The following UBE2E2 variants were observed in gnomAD, a reference collection of about 807,000 sequenced individuals.
UBE2E2 encodes ubiquitin-conjugating enzyme E2 E2.
UBE2E2 carries 6 observed loss-of-function variants against 24.7 expected under a neutral mutation model. That is an observed-to-expected ratio of 0.24 (90% CI 0.13 to 0.48). UBE2E2 has a LOEUF of 0.48. Among genes scored for constraint, UBE2E2 ranks in the 20% least tolerant of loss-of-function variants. UBE2E2 has a pLI of 0.99. For missense variants in UBE2E2, 169 were observed against 245.0 expected (o/e 0.69, Z 2.07); for synonymous variants, 104 against 83.6 (o/e 1.24, Z -1.33).
chr3:23,292,541 T>C (rs2125249876), intron 3 of UBE2E2, among the ~76,000 whole-genome samples: 1 of 152,260 alleles, frequency 6.6e-6, no homozygotes, highest in South Asian at 2.1e-4. Context: ...AGAGCCCCAC[T>C]CACTTGTCTC....
chr3:23,206,304 A>C (rs959620845), intron 1 of UBE2E2, among the ~76,000 whole-genome samples: 1 of 151,960 alleles, frequency 6.6e-6, no homozygotes, highest in Non-Finnish European at 1.5e-5. Context: ...GAAGGTGAAA[A>C]AAAATATTAA....
chr3:23,545,223 G>A (rs1559417152), intron 5 of UBE2E2, among the ~76,000 whole-genome samples: 1 of 152,122 alleles, frequency 6.6e-6, no homozygotes, highest in South Asian at 2.1e-4. Context: ...CGGGTGTCGG[G>A]CTGGGGGAGG....
chr3:23,329,209 G>T (rs1474754076), intron 3 of UBE2E2, among the ~76,000 whole-genome samples: 1 of 152,136 alleles, frequency 6.6e-6, no homozygotes, highest in Non-Finnish European at 1.5e-5. Context: ...TCAGTATTTT[G>T]AAAAGGCAAA....
At chr3:23,586,510 C>G (rs564662593) in intron 5 of UBE2E2, among the ~76,000 whole-genome samples, 20 of 152,012 alleles carry the variant, frequency 1.3e-4, no homozygotes, top group Non-Finnish European at 2.9e-4. Flanking sequence ...GTTGCCCAGG[C>G]TGGTCTTGAA....
At chr3:23,383,337 G>A (rs1696722113) in intron 3 of UBE2E2, among the ~76,000 whole-genome samples, 1 of 152,118 alleles carries the variant, frequency 6.6e-6, no homozygotes, top group Non-Finnish European at 1.5e-5. Flanking sequence ...AGCAAACCTT[G>A]AGGAAAATCT....
chr3:23,335,789 C>T (rs1357241977), intron 3 of UBE2E2, among the ~76,000 whole-genome samples: 1 of 152,218 alleles, frequency 6.6e-6, no homozygotes, highest in Admixed American at 6.5e-5. Context: ...CCACTTTGGC[C>T]TCCCAAAGTG....
intron 3 of UBE2E2, among the ~76,000 whole-genome samples, chr3:23,327,883 C>G (rs968141050): frequency 2.0e-5 from 3 of 152,140 alleles, no homozygotes; most frequent in Non-Finnish European, 2.9e-5. Context: ...AAATGTCATT[C>G]TAGATTTCTG....
chr3:23,359,108 A>G (rs767934520), intron 3 of UBE2E2, among the ~76,000 whole-genome samples: 2 of 152,280 alleles, frequency 1.3e-5, no homozygotes, highest in Non-Finnish European at 1.5e-5. Flanking sequence ...CATCATGAAC[A>G]TTACCTTTTT....
rs193167482 is a variant in UBE2E2, at chr3:23,495,935, A to G, written c.228-3673A>G. 3.0e-4 allele frequency among the ~76,000 whole-genome samples: 46 copies of G among 152,292 alleles called. 1 individual carries two copies. The highest frequency in any genetic ancestry group is 2.4e-3 in the Admixed American group (36 of 15,290). On this transcript the variant is annotated intron_variant, in intron 3 of 5. Coordinates refer to ENST00000396703, the MANE Select transcript of UBE2E2 (RefSeq NM_152653.4). ...CTTCATCCTTTTTTAAACAAGAGAA[A>G]TCAAACACTAGAAATAAAATGTAAC... is the stretch of plus-strand genomic sequence containing the variant.
rs534151484 is a variant in UBE2E2, at chr3:23,304,431, G to C, written c.227+87119G>C. ...CAGATTTAGTATACTTTTAAAATTT[G>C]TTTAAAATATTACTAAACTCATGTT... is the stretch of plus-strand genomic sequence containing the variant. On this transcript the variant is annotated intron_variant, in intron 3 of 5. Coordinates refer to ENST00000396703, the MANE Select transcript of UBE2E2 (RefSeq NM_152653.4). Among the ~76,000 whole-genome samples, 75 of 152,010 alleles carry C rather than the reference G, an allele frequency of 4.9e-4. 1 individual carries two copies. Among genetic ancestry groups the C allele is most frequent in the South Asian group, 1.5e-3 (7 of 4,820 alleles).
At position 23,399,295 on chromosome 3, in the gene UBE2E2, T is replaced by C. The variant is rs147325217; in HGVS notation, c.228-100313T>C. 4.3e-3 allele frequency among the ~76,000 whole-genome samples: 651 copies of C among 152,312 alleles called. 2 individuals carry two copies. Among genetic ancestry groups the C allele is most frequent in the Non-Finnish European group, 7.8e-3 (533 of 68,028 alleles). Reference sequence around the variant, plus strand: ...CAGCATCATTTGCACTTTGGGGCTATTATTAAATAAAATAAGAGTTACTTG... The same window carrying C: ...CAGCATCATTTGCACTTTGGGGCTACTATTAAATAAAATAAGAGTTACTTG... On this transcript the variant is annotated intron_variant, in intron 3 of 5. Coordinates refer to ENST00000396703, the MANE Select transcript of UBE2E2 (RefSeq NM_152653.4).
At chr3:23,558,095 A>C (rs1320700739) in intron 5 of UBE2E2, among the ~76,000 whole-genome samples, 3 of 152,220 alleles carry the variant, frequency 2.0e-5, no homozygotes, top group African/African-American at 7.2e-5. Context: ...AACAATAGTA[A>C]CTGGGCAATG....
intron 3 of UBE2E2, among the ~76,000 whole-genome samples, chr3:23,429,518 G>C (rs913044048): frequency 2.0e-5 from 3 of 152,074 alleles, no homozygotes; most frequent in Non-Finnish European, 2.9e-5. Context: ...CCGTCAACAG[G>C]CTAAAGAAAA....
chr3:23,491,223 C>T (rs907627310), intron 3 of UBE2E2, among the ~76,000 whole-genome samples: 1 of 152,126 alleles, frequency 6.6e-6, no homozygotes, highest in Non-Finnish European at 1.5e-5. Flanking sequence ...GAATACTAGT[C>T]TTCATTTGTC....
At chr3:23,375,995 T>C (rs1486131465) in intron 3 of UBE2E2, among the ~76,000 whole-genome samples, 1 of 152,216 alleles carries the variant, frequency 6.6e-6, no homozygotes, top group African/African-American at 2.4e-5. Flanking sequence ...ACAAGTATAA[T>C]GTTTGGTAAA....
chr3:23,307,759 G>A (rs572251892), intron 3 of UBE2E2, among the ~76,000 whole-genome samples: 1 of 152,138 alleles, frequency 6.6e-6, no homozygotes, highest in South Asian at 2.1e-4. Context: ...AAATACTATA[G>A]GGTTTTAAAA....
chr3:23,284,373 A>G (rs1348307879), intron 3 of UBE2E2, among the ~76,000 whole-genome samples: 2 of 152,170 alleles, frequency 1.3e-5, no homozygotes, highest in Admixed American at 6.5e-5. Context: ...TTGGACAGTT[A>G]TCATGAGAGT....
At chr3:23,466,047 T>C (rs547465396) in intron 3 of UBE2E2, among the ~76,000 whole-genome samples, 2 of 152,164 alleles carry the variant, frequency 1.3e-5, no homozygotes, top group Non-Finnish European at 2.9e-5. Context: ...TATAAAGATA[T>C]CATCCAAAAT....
At chr3:23,265,090 G>A (rs1041571625) in intron 3 of UBE2E2, among the ~76,000 whole-genome samples, 25 of 152,124 alleles carry the variant, frequency 1.6e-4, no homozygotes, top group African/African-American at 6.0e-4. Flanking sequence ...AATTGCAAAG[G>A]GAAGAAGGAA....
Sources: gnomAD v4.1 joint callset for allele counts (sites outside exome capture counted in the v4.1 genomes callset) on GRCh38, gnomAD v4.1.1 for gene constraint, MANE v1.5 for transcripts, NCBI Gene and HGNC (gene_info 2026-07-23, HGNC 2026-07-21) for gene names.